CWF19L2: variants seen among roughly 807,000 people sequenced by gnomAD.
The protein encoded by CWF19L2 is CWF19 like cell cycle control factor 2, also known as CWF19-like protein 2.
In CWF19L2, 98 loss-of-function variants were observed where a neutral mutation model predicts 111.7. The ratio of observed to expected loss-of-function variants is 0.88; its 90% CI spans 0.75 to 1.04. CWF19L2 has a LOEUF of 1.04. Ranked by LOEUF, CWF19L2 falls within the 50% of genes least tolerant of loss-of-function variation. The pLI is 0.00. For missense variants in CWF19L2, 1,101 were observed against 1,051.4 expected, an observed-to-expected ratio of 1.05 and a Z score of -0.65; for synonymous variants, 351 against 342.9, an observed-to-expected ratio of 1.02 and a Z score of -0.26.
In CWF19L2 at chr11:107,329,940, T is replaced by C; in HGVS notation, c.2519A>G (p.Lys840Arg). The stretch of plus-strand genomic sequence containing the variant: ...TACCTTTCCAAAGTAATGAGGGAAT[T>C]TGTGCTGATCTTCAATGACATGGGC... ...GFAHVIEDQH[K>R]FPHYFGKEII... The change falls in exon 17 of 18, where the codon AAA (lysine) becomes AGA (arginine). Residue 840 changes from lysine (K) to arginine (R), a missense_variant. Coordinates refer to ENST00000282251, the MANE Select transcript of CWF19L2 (RefSeq NM_152434.3). 1 of 1,588,068 alleles carries C rather than the reference T, an allele frequency of 6.3e-7. No homozygotes were observed. The highest frequency in any genetic ancestry group is 8.6e-7 in the Non-Finnish European group (1 of 1,168,022).
At chr11:107,338,157 C>T (rs1156655567) in intron 14 of CWF19L2, among the ~76,000 whole-genome samples, 3 of 152,118 alleles carry the variant, frequency 2.0e-5, no homozygotes, top group East Asian at 1.9e-4. Flanking sequence ...ACAACCTCGT[C>T]GTACTCAGGC....
intron 12 of CWF19L2, among the ~76,000 whole-genome samples, chr11:107,375,745 A>G (rs1225868791): frequency 8.5e-6 from 1 of 117,462 alleles, no homozygotes; most frequent in Non-Finnish European, 1.8e-5. Context: ...TTCAAAAGCT[A>G]GCAGAAGGCA....
chr11:107,457,045 T>A (rs1861865218), intron 1 of CWF19L2, among the ~76,000 whole-genome samples: 1 of 152,236 alleles, frequency 6.6e-6, no homozygotes, highest in Admixed American at 6.5e-5. Context: ...AACTGCAACT[T>A]TTCTCTTTCA....
At chr11:107,449,504 G>A (rs1167761224) in intron 3 of CWF19L2, among the ~76,000 whole-genome samples, 1 of 151,996 alleles carries the variant, frequency 6.6e-6, no homozygotes, top group Admixed American at 6.6e-5. Flanking sequence ...AAGAATGTAT[G>A]ACATTAAAAA....
chr11:107,360,831 C>A (rs1396264100), intron 12 of CWF19L2, among the ~76,000 whole-genome samples: 1 of 152,094 alleles, frequency 6.6e-6, no homozygotes, highest in South Asian at 2.1e-4. Flanking sequence ...TTTAGTGGGA[C>A]TATTTGTTGT....
chr11:107,336,525 A>G, intron 15 of CWF19L2, 33 bp downstream of exon 15: 3 of 1,535,776 alleles, frequency 2.0e-6, no homozygotes, highest in Non-Finnish European at 1.8e-6. Context: ...ATAGCAAAAA[A>G]TAAGTGTATA....
At chr11:107,407,828 T>C (rs580224) in intron 10 of CWF19L2, among the ~76,000 whole-genome samples, 106,489 of 151,806 alleles carry the variant, frequency 0.7, 37,786 homozygotes, top group Non-Finnish European at 0.77. Context: ...GAAAATACTG[T>C]TCATAACACA....
chr11:107,427,228 T>TTTTC (rs35794191), intron 8 of CWF19L2, among the ~76,000 whole-genome samples: 8 of 8,104 alleles, frequency 9.9e-4, no homozygotes, highest in Admixed American at 3.8e-3. Flanking sequence ...CAGGAATCTT[T>TTTTC]TTTTTTGGAT....
At position 107,360,743 on chromosome 11, in the gene CWF19L2, T is replaced by C. The variant is rs561633107; in HGVS notation, c.1873-7007A>G. 5.1e-4 allele frequency among the ~76,000 whole-genome samples: 78 copies of C among 152,336 alleles called. 1 individual carries two copies. The Middle Eastern group carries it at 0.014, about 27-fold the overall frequency. The stretch of plus-strand genomic sequence containing the variant: ...CCCATTTTTCAGATGATTAGCGATG[T>C]TGAACATTTTTTCATTTACCTGTTG... On this transcript the variant is annotated intron_variant, in intron 12 of 17. Transcript: ENST00000282251.
At chr11:107,382,104 CG>C (rs1248736326) in intron 12 of CWF19L2, among the ~76,000 whole-genome samples, 1 of 152,084 alleles carries the variant, frequency 6.6e-6, no homozygotes, top group Non-Finnish European at 1.5e-5. Context: ...CCTGAGTTTA[CG>C]TTGCCAAGGT....
At chr11:107,418,347 T>C (rs370757416) in intron 8 of CWF19L2, 60 bp from the exon 9 acceptor site, 2 of 1,048,762 alleles carry the variant, frequency 1.9e-6, no homozygotes, top group Middle Eastern at 4.0e-4. Flanking sequence ...AGCAATAACA[T>C]CAAGACTCAA....
At chr11:107,403,626 TCTC>T (rs2086485169) in intron 10 of CWF19L2, 2 of 777,922 alleles carry the variant, frequency 2.6e-6, no homozygotes, top group Non-Finnish European at 4.7e-6. Context: ...ATTGGAATGT[TCTC>T]CTCGTCTTTC....
intron 3 of CWF19L2, among the ~76,000 whole-genome samples, chr11:107,445,487 C>T (rs1861688288): frequency 6.6e-6 from 1 of 152,090 alleles, no homozygotes; most frequent in Admixed American, 6.5e-5. Flanking sequence ...GCCTGTACTC[C>T]CACCTACTTG....
At chr11:107,357,045 C>CAAAATAAAAACAAAAACA (rs139519172) in intron 12 of CWF19L2, among the ~76,000 whole-genome samples, 5 of 150,960 alleles carry the variant, frequency 3.3e-5, no homozygotes, top group Admixed American at 2.0e-4. Context: ...TCTCAAACAA[C>CAAAATAAAAACAAAAACA]AAAACAAAAA....
rs977403601 is a variant in CWF19L2, at chr11:107,372,194, CACTAACTAAAGCATT to C, written c.1872+17865_1872+17879del. 6.7e-5 allele frequency among the ~76,000 whole-genome samples: 9 copies of C among 134,822 alleles called. 2 individuals are homozygous for C. Among genetic ancestry groups the C allele is most frequent in the African/African-American group, 2.7e-4 (9 of 33,336 alleles). The allele number at this position is 134,822 out of a possible 152,430, so 88.4% of individuals were successfully genotyped here. A position where few individuals can be genotyped will look rare whatever the true frequency, so the allele number is the denominator to read the frequency against. Reference sequence around the variant, plus strand: ...GAGACTTACAGAATAGTGGGAAAGACACTAACTAAAGCATTACTCAAAGAACTGTCAAGTTATAGC... The same window carrying C: ...GAGACTTACAGAATAGTGGGAAAGACACTCAAAGAACTGTCAAGTTATAGC... On this transcript the variant is annotated intron_variant, in intron 12 of 17. Coordinates refer to ENST00000282251, the MANE Select transcript of CWF19L2 (RefSeq NM_152434.3).
Position 107,373,917 on chromosome 11 carries a change from G to A in CWF19L2, c.1872+16157C>T, listed in dbSNP as rs1301145447. Among the ~76,000 whole-genome samples the A allele has an allele frequency of 2.9e-3, 389 of 135,362 alleles. 55 individuals carry two copies. Among genetic ancestry groups the A allele is most frequent in the Admixed American group, 6.0e-3 (83 of 13,884 alleles). 88.8% of individuals were successfully genotyped at this position (135,362 alleles called of 152,430 possible). A position where few individuals can be genotyped will look rare whatever the true frequency, so the allele number is the denominator to read the frequency against. On this transcript the variant is annotated intron_variant, in intron 12 of 17. Coordinates refer to ENST00000282251, the MANE Select transcript of CWF19L2 (RefSeq NM_152434.3). Reference sequence around the variant, plus strand: ...TAACTAGAACAACCAATACAGAGAAGTGCTTAAAGGAGCTGATGGAGCTGA... The same window carrying A: ...TAACTAGAACAACCAATACAGAGAAATGCTTAAAGGAGCTGATGGAGCTGA...
At chr11:107,350,159 C>T (rs1460520562) in intron 13 of CWF19L2, among the ~76,000 whole-genome samples, 1 of 152,056 alleles carries the variant, frequency 6.6e-6, no homozygotes, top group Non-Finnish European at 1.5e-5. Context: ...AAAAGCAATA[C>T]TTTCTTTTAT....
intron 3 of CWF19L2, among the ~76,000 whole-genome samples, chr11:107,445,331 C>T (rs868301592): frequency 7.9e-5 from 12 of 152,180 alleles, no homozygotes; most frequent in African/African-American, 1.9e-4. Flanking sequence ...CCAGGCTGGG[C>T]GCGGTGGCTC....
chr11:107,394,004 T>C (rs932546104), intron 10 of CWF19L2, among the ~76,000 whole-genome samples: 1 of 152,126 alleles, frequency 6.6e-6, no homozygotes, highest in Non-Finnish European at 1.5e-5. Context: ...AAAACCTGCA[T>C]ATGCAACCCC....
Sources: allele counts gnomAD v4.1 joint callset (sites outside exome capture counted in the v4.1 genomes callset), GRCh38; gene constraint gnomAD v4.1.1; transcripts MANE v1.5; gene names NCBI Gene and HGNC (gene_info 2026-07-23, HGNC 2026-07-21).